The following BIVM variants were observed in gnomAD, a reference collection of about 807,000 sequenced individuals.
BIVM encodes the protein basic, immunoglobulin-like variable motif containing, also known as basic immunoglobulin-like variable motif-containing protein.
BIVM carries 31 observed loss-of-function variants against 61.4 expected under a neutral mutation model. The observed-to-expected ratio is 0.51, with a 90% CI of 0.38 to 0.68. BIVM has a LOEUF of 0.68. Ranked by LOEUF, BIVM falls within the 30% of genes least tolerant of loss-of-function variation. BIVM has a pLI of 0.00. For synonymous variants in BIVM, 189 were observed against 210.7 expected (o/e 0.90, Z 0.89); for missense variants, 526 against 596.0 (o/e 0.88, Z 1.22).
intron 9 of BIVM, among the ~76,000 whole-genome samples, chr13:102,836,529 GT>G (rs1881485942): frequency 6.6e-6 from 1 of 152,166 alleles, no homozygotes; most frequent in Non-Finnish European, 1.5e-5. Context: ...GTCCAGGCTG[GT>G]TTCAAACTCC....
intron 1 of BIVM, among the ~76,000 whole-genome samples, chr13:102,802,912 A>G (rs917552084): frequency 6.6e-6 from 1 of 151,958 alleles, no homozygotes; most frequent in Non-Finnish European, 1.5e-5. Flanking sequence ...TGCCTGGCTC[A>G]CACTGTTACT....
At position 102,812,817 on chromosome 13, in the gene BIVM, G is replaced by A. The variant is rs61966024; in HGVS notation, c.479-3611G>A. Among the ~76,000 whole-genome samples the A allele has an allele frequency of 8.0e-3, 1,219 of 152,282 alleles. 5 individuals carry two copies. Among genetic ancestry groups the A allele is most frequent in the Middle Eastern group, 0.051 (15 of 294 alleles). On this transcript the variant is annotated intron_variant, in intron 3 of 10. Transcript: ENST00000257336. ...TGTAGTGGGAGGGGCTTGCAACATT[G>A]GAGGGAGAGTTGCAACAATGGCTGC...
At chr13:102,825,429 AC>A (rs1456346425) in intron 7 of BIVM, among the ~76,000 whole-genome samples, 1 of 152,028 alleles carries the variant, frequency 6.6e-6, no homozygotes, top group Non-Finnish European at 1.5e-5. Context: ...CAATGTAAAA[AC>A]CATTTTAGCT....
intron 5 of BIVM, 49 bp downstream of exon 5, chr13:102,821,181 G>A (rs2139202735): frequency 6.6e-7 from 1 of 1,522,846 alleles, no homozygotes; most frequent in Non-Finnish European, 8.9e-7. Flanking sequence ...GTAATTTGAT[G>A]TTGCTTTTTC....
intron 3 of BIVM, among the ~76,000 whole-genome samples, chr13:102,811,770 G>A: frequency 6.6e-6 from 1 of 152,212 alleles, no homozygotes; most frequent in African/African-American, 2.4e-5. Context: ...TCATCCGCCT[G>A]CCTCAGCCTC....
At chr13:102,808,970 G>A (rs1324250426) in intron 3 of BIVM, among the ~76,000 whole-genome samples, 1 of 151,632 alleles carries the variant, frequency 6.6e-6, no homozygotes, top group Non-Finnish European at 1.5e-5. Context: ...TATCAATTTT[G>A]TTAATCTTTT....
intron 3 of BIVM, among the ~76,000 whole-genome samples, chr13:102,815,451 T>C (rs1879800664): frequency 6.6e-6 from 1 of 152,140 alleles, no homozygotes; most frequent in Non-Finnish European, 1.5e-5. Context: ...TTATTGATAT[T>C]TTACTTTATA....
intron 3 of BIVM, among the ~76,000 whole-genome samples, chr13:102,813,396 A>G (rs1272964994): frequency 6.6e-6 from 1 of 152,158 alleles, no homozygotes; most frequent in Non-Finnish European, 1.5e-5. Flanking sequence ...TGCATGGTAT[A>G]TATTTTTCCA....
rs1247645310 is a variant in BIVM at position 102,835,444 on chromosome 13, A to G, written c.1121+892A>G. Among the ~76,000 whole-genome samples, 17 of 152,172 alleles carry G rather than the reference A, an allele frequency of 1.1e-4. 2 individuals carry two copies. The stretch of plus-strand genomic sequence containing the variant: ...TTTCATCACTCCAGAAAGAAACCCC[A>G]TACCCCTTGGCAGTCACTCCGTATT... On this transcript the variant is annotated intron_variant, in intron 9 of 10. Coordinates refer to ENST00000257336, the MANE Select transcript of BIVM (RefSeq NM_017693.4).
At position 102,832,115 on chromosome 13, in the gene BIVM, T is replaced by G. The variant is rs148284204; in HGVS notation, c.1034+418T>G. On this transcript the variant is annotated intron_variant, in intron 8 of 10. Transcript: ENST00000257336. Reference sequence around the variant, plus strand: ...GACTTATTCTTCTGCAGAATTGCATTTAGTTAATTGTGCTGTTGAAAATAT... The same window carrying G: ...GACTTATTCTTCTGCAGAATTGCATGTAGTTAATTGTGCTGTTGAAAATAT... Among the ~76,000 whole-genome samples the G allele has an allele frequency of 1.5e-3, 235 of 152,334 alleles. 1 individual carries two copies. Among genetic ancestry groups the G allele is most frequent in the East Asian group, 0.013 (67 of 5,194 alleles).
At position 102,831,495 on chromosome 13, in the gene BIVM, C is replaced by T. The variant is rs570383803; in HGVS notation, c.902-70C>T. ...TCTTTTCTGTCCTTAAGCCCTTAACCGGTCCTTTGTGTAAAGCATGGACAC... is the reference window on the plus strand; with the variant it reads ...TCTTTTCTGTCCTTAAGCCCTTAACTGGTCCTTTGTGTAAAGCATGGACAC... On this transcript the variant is annotated intron_variant, in intron 7 of 10. Coordinates refer to ENST00000257336, the MANE Select transcript of BIVM (RefSeq NM_017693.4). The T allele has an allele frequency of 2.6e-5, 42 of 1,595,030 alleles. No individual in the cohort carries two copies. In the East Asian group the frequency reaches 4.0e-4, roughly 15 times the overall value.
At chr13:102,838,578 A>G in intron 9 of BIVM, 65 bp from the exon 10 acceptor site, 1 of 1,387,724 alleles carries the variant, frequency 7.2e-7, no homozygotes, top group East Asian at 2.4e-5. Context: ...CTCATGAAAA[A>G]TTCCATTGCA....
intron 7 of BIVM, among the ~76,000 whole-genome samples, chr13:102,829,192 C>T (rs892504821): frequency 6.6e-6 from 1 of 152,082 alleles, no homozygotes; most frequent in African/African-American, 2.4e-5. Context: ...TCAGGGTCTA[C>T]AGGACAAGCT....
chr13:102,831,514 T>G, intron 7 of BIVM, 51 bp from the exon 8 acceptor site: 1 of 1,611,178 alleles, frequency 6.2e-7, no homozygotes, highest in Non-Finnish European at 8.5e-7. Flanking sequence ...GTGTAAAGCA[T>G]GGACACTGCT....
chr13:102,808,294 G>T (rs1415631848), intron 3 of BIVM, among the ~76,000 whole-genome samples: 2 of 152,308 alleles, frequency 1.3e-5, no homozygotes, highest in Admixed American at 1.3e-4. Context: ...ATGGCAGATA[G>T]AAATACTTTA....
intron 8 of BIVM, among the ~76,000 whole-genome samples, chr13:102,833,278 C>T (rs1326555856): frequency 6.8e-6 from 1 of 147,360 alleles, no homozygotes; most frequent in Non-Finnish European, 1.5e-5. Flanking sequence ...AAACACAAGC[C>T]ATGAGTACTT....
chr13:102,822,057 A>T lies in BIVM; in HGVS notation c.807-8A>T. 1 of 1,612,660 alleles carries T rather than the reference A, an allele frequency of 6.2e-7. No individual in the cohort carries two copies. The highest frequency in any genetic ancestry group is 8.5e-7 in the Non-Finnish European group (1 of 1,179,510). ...GTTGCCATGAACAAATCTTCTTGTT[A>T]CTTTCAGGTGGTTTAGACAAATTAA... On this transcript the variant is annotated splice_region_variant and splice_polypyrimidine_tract_variant and intron_variant, in intron 6 of 10. Transcript: ENST00000257336.
intron 9 of BIVM, among the ~76,000 whole-genome samples, chr13:102,837,525 A>G (rs1881559142): frequency 6.6e-6 from 1 of 152,208 alleles, no homozygotes; most frequent in Non-Finnish European, 1.5e-5. Context: ...AAGTAGATCT[A>G]CCATTTGATC....
chr13:102,804,562 C>T lies in BIVM; in HGVS notation c.-206-745C>T, dbSNP rs573816110. ...CTCTGACCTCATGATCCACCCGCCTCGGCCTCCTACAGTGCTGGGATTACA... is the reference window on the plus strand; with the variant it reads ...CTCTGACCTCATGATCCACCCGCCTTGGCCTCCTACAGTGCTGGGATTACA... On this transcript the variant is annotated intron_variant, in intron 1 of 10. Transcript: ENST00000257336. Among the ~76,000 whole-genome samples, 312 of 152,330 alleles carry T rather than the reference C, an allele frequency of 2.0e-3. 2 individuals are homozygous for T. The highest frequency in any genetic ancestry group is 7.1e-3 in the African/African-American group (297 of 41,586).
Sources: allele counts gnomAD v4.1 joint callset (sites outside exome capture counted in the v4.1 genomes callset), GRCh38; gene constraint gnomAD v4.1.1; transcripts MANE v1.5; gene names NCBI Gene and HGNC (gene_info 2026-07-23, HGNC 2026-07-21).